The following PM20D2 variants were observed in gnomAD, a reference collection of about 807,000 sequenced individuals.
The protein encoded by PM20D2 is peptidase M20 domain containing 2.
A neutral mutation model predicts 42.9 loss-of-function variants in PM20D2; 33 were observed. The observed-to-expected ratio is 0.77, with a 90% CI of 0.58 to 1.03. The LOEUF (loss-of-function observed/expected upper bound fraction) is 1.03, where lower values mean the gene tolerates loss of function less well. Ranked by LOEUF, PM20D2 falls within the 50% of genes least tolerant of loss-of-function variation. The pLI is 0.00. For synonymous variants in PM20D2, 250 were observed against 228.2 expected (o/e 1.10, Z -0.86); for missense variants, 548 against 557.0 (o/e 0.98, Z 0.16).
chr6:89,143,873 C>T (rs118155995), upstream of PM20D2, among the ~76,000 whole-genome samples: 751 of 152,226 alleles, frequency 4.9e-3, 8 homozygotes, highest in Middle Eastern at 0.014. Context: ...TAGTCAGTGT[C>T]GTTTAATGGT....
chr6:89,104,985 G>A, the PM20D2 span: 1 of 828,416 alleles, frequency 1.2e-6, no homozygotes, highest in Non-Finnish European at 1.7e-6. Context: ...GAGTCTAGGA[G>A]GTCAAGTCTA....
chr6:89,110,371 A>G, the PM20D2 span, among the ~76,000 whole-genome samples: 6 of 152,204 alleles, frequency 3.9e-5, no homozygotes. Flanking sequence ...TAGGGTTTAA[A>G]TACCCTCTAA....
At chr6:89,161,111 T>C (rs1240733325) in intron 5 of PM20D2, among the ~76,000 whole-genome samples, 1 of 152,158 alleles carries the variant, frequency 6.6e-6, no homozygotes, top group African/African-American at 2.4e-5. Context: ...CAAAGAGCGT[T>C]AGGATTCTGA....
At chr6:89,151,042 T>C (rs1770815297) in intron 2 of PM20D2, among the ~76,000 whole-genome samples, 2 of 150,920 alleles carry the variant, frequency 1.3e-5, no homozygotes, top group African/African-American at 2.4e-5. Flanking sequence ...TCCCAGCTAC[T>C]TGGGAGGCTG....
chr6:89,125,463 G>C, the PM20D2 span, among the ~76,000 whole-genome samples: 1 of 142,798 alleles, frequency 7.0e-6, no homozygotes, highest in African/African-American at 2.6e-5. Context: ...CTGGGTGACA[G>C]AGCGAGACTC....
intron 3 of PM20D2, among the ~76,000 whole-genome samples, chr6:89,153,388 T>G (rs577928507): frequency 6.6e-6 from 1 of 152,270 alleles, no homozygotes; most frequent in East Asian, 1.9e-4. Flanking sequence ...CAGTTTTGAT[T>G]ATTGTACATA....
rs376862471 is a variant in PM20D2 at position 89,150,880 on chromosome 6, G to A, written c.614+1467G>A. ...TTAAGATAGAAAAGAGAGGTCAGGT[G>A]CAGTGGCTCACACCTGTAATCCCAG... On this transcript the variant is annotated intron_variant, in intron 2 of 6. Coordinates refer to ENST00000275072, the MANE Select transcript of PM20D2 (RefSeq NM_001010853.3). 9.9e-5 allele frequency among the ~76,000 whole-genome samples: 15 copies of A among 151,682 alleles called. 2 individuals carry two copies. Among genetic ancestry groups the A allele is most frequent in the East Asian group, 4.0e-4 (2 of 4,990 alleles).
chr6:89,158,551 C>A (rs143764286), intron 5 of PM20D2, 91 bp downstream of exon 5: 6 of 1,423,286 alleles, frequency 4.2e-6, no homozygotes, highest in Non-Finnish European at 5.8e-6. Context: ...TTTGGGAGGT[C>A]GGGAGGTACT....
the PM20D2 span, among the ~76,000 whole-genome samples, chr6:89,104,797 A>C: frequency 2.0e-5 from 3 of 152,140 alleles, no homozygotes; most frequent in Non-Finnish European, 4.4e-5. Context: ...TCACACCTGT[A>C]ATCCTAGCAC....
chr6:89,154,887 G>A lies in PM20D2; in HGVS notation c.897G>A (p.Leu299=). The change falls in exon 4 of 7, where the codon TTG becomes TTA. Residue 299 remains leucine, a synonymous_variant. Coordinates refer to ENST00000275072, the MANE Select transcript of PM20D2 (RefSeq NM_001010853.3). ...AAGATTGCTTCAGAGCTGCAGCTTT[G>A]GCTTCAGGGTGCACAGTAAGAACTT... The part of the protein sequence containing the change: ...KAEDCFRAAA[L]ASGCTVEIKG... 1 of 1,599,608 alleles carries A rather than the reference G, an allele frequency of 6.3e-7. No homozygotes were observed. The highest frequency in any genetic ancestry group is 1.1e-5 in the South Asian group (1 of 88,312).
the PM20D2 span, among the ~76,000 whole-genome samples, chr6:89,122,093 G>T: frequency 6.6e-6 from 1 of 152,146 alleles, no homozygotes; most frequent in African/African-American, 2.4e-5. Context: ...TATAATGTTT[G>T]GTTGTTTACT....
chr6:89,161,727 A>C (rs1272908327), intron 5 of PM20D2, 56 bp from the exon 6 acceptor site: 19 of 1,356,926 alleles, frequency 1.4e-5, no homozygotes, highest in Non-Finnish European at 2.0e-5. Context: ...TCATAACTCC[A>C]GAATACTTAA....
intron 2 of PM20D2, 141 bp downstream of exon 2, chr6:89,149,554 G>T: frequency 9.2e-7 from 1 of 1,092,094 alleles, no homozygotes; most frequent in Non-Finnish European, 1.3e-6. Context: ...CTTGATCTAT[G>T]GAGTGACATT....
Position 89,164,911 on chromosome 6 carries a change from T to G in PM20D2, c.*2648T>G, listed in dbSNP as rs1264727687. The G allele has an allele frequency of 6.8e-6, 1 of 147,080 alleles. No homozygotes were observed. The highest frequency in any genetic ancestry group is 1.5e-5 in the Non-Finnish European group (1 of 67,286). 9.1% of individuals were successfully genotyped at this position (147,080 alleles called of 1,614,324 possible). ...TGTTATCCAAATAAAATTGATGAGT[T>G]TCTGTGCCTGTAAAAAAAAAAAAAA... On this transcript the variant is annotated 3_prime_UTR_variant, in exon 7 of 7. Coordinates refer to ENST00000275072, the MANE Select transcript of PM20D2 (RefSeq NM_001010853.3).
the PM20D2 span, among the ~76,000 whole-genome samples, chr6:89,136,402 G>C: frequency 6.6e-6 from 1 of 151,312 alleles, no homozygotes; most frequent in Non-Finnish European, 1.5e-5. Context: ...CAGAGGCCGG[G>C]CGCAGTGGCT....
At chr6:89,109,091 C>G in the PM20D2 span, among the ~76,000 whole-genome samples, 1 of 152,166 alleles carries the variant, frequency 6.6e-6, no homozygotes, top group African/African-American at 2.4e-5. Flanking sequence ...AAGAAAAACA[C>G]AATTCCTGCT....
At chr6:89,119,014 A>G in the PM20D2 span, among the ~76,000 whole-genome samples, 1 of 152,322 alleles carries the variant, frequency 6.6e-6, no homozygotes, top group African/African-American at 2.4e-5. Context: ...CTAAGTGTGA[A>G]GAGTGCCCCT....
intron 2 of PM20D2, among the ~76,000 whole-genome samples, chr6:89,149,884 G>A (rs1425545441): frequency 6.6e-6 from 1 of 152,178 alleles, no homozygotes; most frequent in East Asian, 1.9e-4. Context: ...TATGGTTTTT[G>A]TGGAACTTCT....
chr6:89,136,869 C>T, the PM20D2 span, among the ~76,000 whole-genome samples: 7 of 150,888 alleles, frequency 4.6e-5, no homozygotes, highest in Non-Finnish European at 7.4e-5. Flanking sequence ...TTCTCTGGTA[C>T]GACTAGTGGA....
Sources: gnomAD v4.1 joint callset for allele counts (sites outside exome capture counted in the v4.1 genomes callset) on GRCh38, gnomAD v4.1.1 for gene constraint, MANE v1.5 for transcripts, NCBI Gene and HGNC (gene_info 2026-07-23, HGNC 2026-07-21) for gene names.